Variants in CSMD1 observed in about 807,000 individuals in gnomAD.
The protein encoded by CSMD1 is CUB and sushi domain-containing protein 1.
A neutral mutation model predicts 417.5 loss-of-function variants in CSMD1; 213 were observed. The observed-to-expected ratio is 0.51, with a 90% CI of 0.46 to 0.57. The LOEUF (loss-of-function observed/expected upper bound fraction) is 0.57. Ranked by LOEUF, CSMD1 falls within the 20% of genes least tolerant of loss-of-function variation. The probability of loss-of-function intolerance (pLI) is 0.00; values close to 1 mark genes in which losing one functional copy is unlikely to be tolerated. For missense variants in CSMD1, 6,923 were observed against 4,529.7 expected (o/e 1.53, Z -15.17); for synonymous variants, 2,862 against 1,736.8 (o/e 1.65, Z -16.11).
chr8:4,083,749 C>T (rs898098088), intron 3 of CSMD1, among the ~76,000 whole-genome samples: 1 of 152,136 alleles, frequency 6.6e-6, no homozygotes, highest in Admixed American at 6.5e-5. Flanking sequence ...TAGAAGAAAA[C>T]CTAGGCATTA....
At chr8:4,209,405 C>A (rs546656631) in intron 3 of CSMD1, among the ~76,000 whole-genome samples, 1 of 152,146 alleles carries the variant, frequency 6.6e-6, no homozygotes, top group Non-Finnish European at 1.5e-5. Flanking sequence ...CTCCAGGGTT[C>A]CTGTGGAATT....
Position 4,380,276 on chromosome 8 carries a change from G to A in CSMD1, c.415+39677C>T, listed in dbSNP as rs147058634. 3.2e-3 allele frequency among the ~76,000 whole-genome samples: 482 copies of A among 152,222 alleles called. 4 individuals carry two copies. The highest frequency in any genetic ancestry group is 0.011 in the African/African-American group (450 of 41,556). ...AGCCTGACAAACACCTCTGCCAGGT[G>A]ACTAAGGTCAGCATCTGCAGTGCTG... On this transcript the variant is annotated intron_variant, in intron 3 of 69. Transcript: ENST00000635120.
intron 3 of CSMD1, among the ~76,000 whole-genome samples, chr8:4,050,957 T>C (rs960480716): frequency 6.6e-6 from 1 of 152,020 alleles, no homozygotes; most frequent in African/African-American, 2.4e-5. Flanking sequence ...TCTCACTTGG[T>C]TGGAGAAAGG....
chr8:3,467,995 C>T (rs935998553), intron 12 of CSMD1, among the ~76,000 whole-genome samples: 4 of 152,160 alleles, frequency 2.6e-5, no homozygotes, highest in Admixed American at 6.5e-5. Context: ...ACACATCTAT[C>T]GGTTCAAATA....
chr8:4,819,771 A>G (rs907611271), intron 1 of CSMD1, among the ~76,000 whole-genome samples: 1 of 152,044 alleles, frequency 6.6e-6, no homozygotes, highest in African/African-American at 2.4e-5. Context: ...CTGCTTTTCC[A>G]TGAAACAGGA....
intron 3 of CSMD1, among the ~76,000 whole-genome samples, chr8:4,309,438 T>C (rs1417711615): frequency 6.6e-6 from 1 of 150,808 alleles, no homozygotes; most frequent in Non-Finnish European, 1.5e-5. Flanking sequence ...AAAATTTTTA[T>C]AATTTTAATA....
chr8:4,260,852 T>A (rs1044868580), intron 3 of CSMD1, among the ~76,000 whole-genome samples: 2 of 152,188 alleles, frequency 1.3e-5, no homozygotes, highest in African/African-American at 4.8e-5. Context: ...TAATTGTTTT[T>A]TGTTAGAAAG....
intron 1 of CSMD1, among the ~76,000 whole-genome samples, chr8:4,821,824 A>G (rs562328125): frequency 6.6e-6 from 1 of 152,266 alleles, no homozygotes; most frequent in South Asian, 2.1e-4. Context: ...AAAAGCCAAC[A>G]AACTCAGATC....
chr8:4,441,082 C>T (rs1323617815), intron 2 of CSMD1, among the ~76,000 whole-genome samples: 1 of 57,082 alleles, frequency 1.8e-5, no homozygotes, highest in Non-Finnish European at 4.0e-5. Context: ...TAATTTGACT[C>T]GTTAATCAAA....
chr8:4,839,484 T>C (rs1356446080), intron 1 of CSMD1, among the ~76,000 whole-genome samples: 1 of 152,214 alleles, frequency 6.6e-6, no homozygotes, highest in East Asian at 1.9e-4. Flanking sequence ...TGAAAAATCC[T>C]AACTCAGCTA....
At chr8:3,557,574 C>A (rs971406062) in intron 10 of CSMD1, among the ~76,000 whole-genome samples, 4 of 151,922 alleles carry the variant, frequency 2.6e-5, no homozygotes, top group Non-Finnish European at 5.9e-5. Context: ...TGAGCAAGTC[C>A]TGAATTGGCC....
intron 7 of CSMD1, among the ~76,000 whole-genome samples, chr8:3,672,200 G>C (rs778473088): frequency 1.2e-4 from 19 of 152,110 alleles, no homozygotes; most frequent in Non-Finnish European, 2.6e-4. Flanking sequence ...TGATGAAATT[G>C]ACTGAGTATG....
rs992090940 is a variant in CSMD1, at chr8:4,180,731, C to T, written c.416-148632G>A. ...GGAACTCACCTTAGAAAAATGGAAA[C>T]ATGGCACTAACTGTTAGAATTCCTT... On this transcript the variant is annotated intron_variant, in intron 3 of 69. Transcript: ENST00000635120. Among the ~76,000 whole-genome samples, 6 of 152,088 alleles carry T rather than the reference C, an allele frequency of 3.9e-5. No individual in the cohort carries two copies. In the East Asian group the frequency reaches 5.8e-4, roughly 15 times the overall value.
intron 27 of CSMD1, among the ~76,000 whole-genome samples, chr8:3,224,892 T>C (rs1280586569): frequency 1.3e-5 from 2 of 152,248 alleles, no homozygotes; most frequent in East Asian, 1.9e-4. Context: ...TTTAGATACA[T>C]ACAAGACTAT....
chr8:4,427,852 C>A (rs973084544), intron 2 of CSMD1, among the ~76,000 whole-genome samples: 2 of 151,866 alleles, frequency 1.3e-5, no homozygotes, highest in African/African-American at 4.8e-5. Context: ...TTCTTAAAAC[C>A]CTGTTGAATT....
At chr8:3,603,960 C>A (rs1048871010) in intron 8 of CSMD1, among the ~76,000 whole-genome samples, 2 of 152,162 alleles carry the variant, frequency 1.3e-5, no homozygotes, top group Admixed American at 6.5e-5. Flanking sequence ...TATGTTCTTA[C>A]AAGTTTACCT....
At chr8:3,772,717 A>G (rs1213918824) in intron 5 of CSMD1, among the ~76,000 whole-genome samples, 1 of 150,006 alleles carries the variant, frequency 6.7e-6, no homozygotes, top group East Asian at 1.9e-4. Context: ...ACACATATAT[A>G]TATATACACA....
At chr8:4,980,696 A>G (rs903040545) in intron 1 of CSMD1, among the ~76,000 whole-genome samples, 1 of 152,150 alleles carries the variant, frequency 6.6e-6, no homozygotes, top group Non-Finnish European at 1.5e-5. Context: ...TGAGATCAGG[A>G]GTCCAAGACC....
chr8:3,317,949 C>G (rs12677731), intron 23 of CSMD1, among the ~76,000 whole-genome samples: 7,140 of 152,154 alleles, frequency 0.047, 286 homozygotes, highest in Admixed American at 0.12. Context: ...TAGCTGGGAC[C>G]ACAGATGTGG....
Sources: allele counts gnomAD v4.1 joint callset (sites outside exome capture counted in the v4.1 genomes callset), GRCh38; gene constraint gnomAD v4.1.1; transcripts MANE v1.5; gene names NCBI Gene and HGNC (gene_info 2026-07-23, HGNC 2026-07-21).